The following LGMN variants were observed in gnomAD, a reference collection of about 807,000 sequenced individuals.
LGMN encodes asparaginyl endopeptidase.
Under a neutral mutation model 56.8 loss-of-function variants are expected in LGMN, and 36 were observed. The observed-to-expected ratio is 0.63, with a 90% CI of 0.49 to 0.84. The LOEUF (loss-of-function observed/expected upper bound fraction) is 0.84, where lower values mean the gene tolerates loss of function less well. Ranked by LOEUF, LGMN falls within the 40% of genes least tolerant of loss-of-function variation. The pLI, the probability that LGMN is intolerant of heterozygous loss-of-function variation, is 0.00. For missense variants in LGMN, 446 were observed against 556.1 expected, an observed-to-expected ratio of 0.80 and a Z score of 1.99; for synonymous variants, 199 against 210.1, an observed-to-expected ratio of 0.95 and a Z score of 0.46.
intron 1 of LGMN, among the ~76,000 whole-genome samples, chr14:92,740,518 A>G (rs1891499431): frequency 1.3e-5 from 2 of 152,306 alleles, no homozygotes; most frequent in South Asian, 4.1e-4. Flanking sequence ...TGTTTGTTCC[A>G]CTACATCACC....
chr14:92,718,860 T>C lies in LGMN; in HGVS notation c.139-16A>G, dbSNP rs541015977. 4.4e-6 allele frequency: 7 copies of C among 1,605,636 alleles called. No individual in the cohort carries two copies. In the Admixed American group the frequency reaches 1.2e-4, roughly 27 times the overall value. On this transcript the variant is annotated splice_polypyrimidine_tract_variant and intron_variant, in intron 2 of 13. Coordinates refer to ENST00000334869, the MANE Select transcript of LGMN (RefSeq NM_005606.7). ...ACGCGTCTGCCTGGGAGAAATGATT[T>C]GGTGAAGTTTTAGATCTTGCCTGGG...
Position 92,720,616 on chromosome 14 carries a change from G to A in LGMN, c.139-1772C>T, listed in dbSNP as rs1452433684. On this transcript the variant is annotated intron_variant, in intron 2 of 13. Transcript: ENST00000334869. Reference sequence around the variant, plus strand: ...CGGGAGGCGGCGGTTGCAGTGAGCCGAGATAGCACCATTGCACGCCAGCCT... The same window carrying A: ...CGGGAGGCGGCGGTTGCAGTGAGCCAAGATAGCACCATTGCACGCCAGCCT... Among the ~76,000 whole-genome samples, 5 of 152,222 alleles carry A rather than the reference G, an allele frequency of 3.3e-5. No individual in the cohort carries two copies. The East Asian group carries it at 7.7e-4, about 23-fold the overall frequency.
intron 1 of LGMN, among the ~76,000 whole-genome samples, chr14:92,747,099 G>T (rs539903573): frequency 5.8e-4 from 87 of 149,614 alleles, no homozygotes; most frequent in African/African-American, 2.1e-3. Context: ...CAGACTCCAC[G>T]ACTCCAGTGC....
chr14:92,716,159 T>C lies in LGMN; in HGVS notation c.381A>G (p.Ile127Met). Residue 127 changes from isoleucine to methionine, a missense_variant, in exon 5 of 14, where the codon ATA (isoleucine) becomes ATG (methionine). Ile to Met is a conservative substitution (Grantham distance 10). Coordinates refer to ENST00000334869, the MANE Select transcript of LGMN (RefSeq NM_005606.7). ...LRGDAEAVKG[I>M]GSGKVLKSGP... Reference sequence around the variant, plus strand: ...ACCTCTTCAGGACTTTGCCGGATCCTATGCCCTTCACTGCTTCTGCATCGC... The same window carrying C: ...ACCTCTTCAGGACTTTGCCGGATCCCATGCCCTTCACTGCTTCTGCATCGC... The C allele has an allele frequency of 1.9e-6, 3 of 1,612,934 alleles. No individual in the cohort carries two copies. The highest frequency in any genetic ancestry group is 2.5e-6 in the Non-Finnish European group (3 of 1,179,156).
intron 1 of LGMN, among the ~76,000 whole-genome samples, chr14:92,747,222 G>C (rs939816268): frequency 6.6e-6 from 1 of 152,088 alleles, no homozygotes; most frequent in Non-Finnish European, 1.5e-5. Flanking sequence ...GGCGAGACGT[G>C]GTGACTCATG....
chr14:92,745,841 G>A (rs1373985989), intron 1 of LGMN, among the ~76,000 whole-genome samples: 1 of 135,618 alleles, frequency 7.4e-6, no homozygotes, highest in South Asian at 2.5e-4. Flanking sequence ...TTTTTTTTTT[G>A]AGATGGCATG....
rs559565245 is a variant in LGMN at position 92,713,478 on chromosome 14, C to T, written c.543+345G>A. ...AGTGGTATTTTCCTCCCCAGCTGCCCGAAATTGAGGACAGTCCTAGGAATA... is the reference window on the plus strand; with the variant it reads ...AGTGGTATTTTCCTCCCCAGCTGCCTGAAATTGAGGACAGTCCTAGGAATA... On this transcript the variant is annotated intron_variant, in intron 7 of 13. Transcript: ENST00000334869. Among the ~76,000 whole-genome samples the T allele has an allele frequency of 1.6e-4, 25 of 152,216 alleles. No homozygotes were observed. The South Asian group carries it at 1.7e-3, about 10-fold the overall frequency.
At chr14:92,709,895 A>T (rs1889666141) in intron 10 of LGMN, 23 bp from the exon 11 acceptor site, 1 of 1,557,070 alleles carries the variant, frequency 6.4e-7, no homozygotes, top group African/African-American at 1.4e-5. Flanking sequence ...ACAGCAAGAG[A>T]GAGCGAGAGA....
rs907448181 is a variant in LGMN at position 92,706,370 on chromosome 14, G to A, written c.1191+113C>T. On this transcript the variant is annotated intron_variant, in intron 12 of 13. Coordinates refer to ENST00000334869, the MANE Select transcript of LGMN (RefSeq NM_005606.7). ...TCTTCCTCTCTGAAATGAGCCCACT[G>A]TTTCTCAGCCTGGATGGAACCTTCT... 1.1e-5 allele frequency: 10 copies of A among 887,866 alleles called. No homozygotes were observed. In the Admixed American group the frequency reaches 1.9e-4, roughly 17 times the overall value. The allele number at this position is 887,866 out of a possible 1,614,324, so 55.0% of individuals were successfully genotyped here.
At chr14:92,715,554 T>G (rs1483079070) in intron 5 of LGMN, among the ~76,000 whole-genome samples, 1 of 152,158 alleles carries the variant, frequency 6.6e-6, no homozygotes, top group Non-Finnish European at 1.5e-5. Context: ...TGCCCAGGCC[T>G]CCCTTCCAGC....
At chr14:92,711,587 A>G in intron 10 of LGMN, 72 bp downstream of exon 10, 1 of 1,319,634 alleles carries the variant, frequency 7.6e-7, no homozygotes, top group Non-Finnish European at 1.1e-6. Context: ...CTTTAGCAAG[A>G]GATCAATATT....
rs1284783611 is a variant in LGMN at position 92,714,910 on chromosome 14, T to C, written c.405-459A>G. On this transcript the variant is annotated intron_variant, in intron 5 of 13. Transcript: ENST00000334869. The surrounding 1 kb of genome is among the most constrained non-coding windows in gnomAD (Gnocchi z 5.1). ...CTGCCTCACCAGGGCTTCCACCAGA[T>C]GGCGCTGCTTCAAAGTGGCAGAGAT... Among the ~76,000 whole-genome samples the C allele has an allele frequency of 1.3e-5, 2 of 152,030 alleles. No individual in the cohort carries two copies. Among genetic ancestry groups the C allele is most frequent in the Non-Finnish European group, 1.5e-5 (1 of 68,012 alleles).
chr14:92,710,376 T>C (rs745614146), intron 10 of LGMN, among the ~76,000 whole-genome samples: 50 of 152,084 alleles, frequency 3.3e-4, no homozygotes, highest in Non-Finnish European at 6.6e-4. Flanking sequence ...AGTGGGAAGG[T>C]ACAAAGCATC....
Position 92,718,818 on chromosome 14 carries a change from G to T in LGMN, c.165C>A (p.Ile55=), listed in dbSNP as rs773242938. 1.2e-6 allele frequency: 2 copies of T among 1,613,224 alleles called. No individual in the cohort carries two copies. The highest frequency in any genetic ancestry group is 2.2e-5 in the South Asian group (2 of 91,016). ...HQADACHAYQ[I]IHRNGIPDEQ... is the part of the protein sequence containing the mutation. Reference sequence around the variant, plus strand: ...CGTCAGGAATCCCATTGCGGTGAATGATCTGGTAGGCATGGCACGCGTCTG... The same window carrying T: ...CGTCAGGAATCCCATTGCGGTGAATTATCTGGTAGGCATGGCACGCGTCTG... The change falls in exon 3 of 14, where the codon ATC becomes ATA. Residue 55 remains isoleucine (I), a synonymous_variant. Coordinates refer to ENST00000334869, the MANE Select transcript of LGMN (RefSeq NM_005606.7).
chr14:92,704,190 G>C lies in LGMN; in HGVS notation c.*129C>G. 1 of 1,132,138 alleles carries C rather than the reference G, an allele frequency of 8.8e-7. No individual in the cohort carries two copies. The highest frequency in any genetic ancestry group is 2.4e-5 in the East Asian group (1 of 42,476). 70.1% of individuals were successfully genotyped at this position (1,132,138 alleles called of 1,614,324 possible). A position where few individuals can be genotyped will look rare whatever the true frequency, so the allele number is the denominator to read the frequency against. ...CATCTTGTGAAGAAGGTCCTGGAGC[G>C]AGCCCTGGAGCGGGGGCTCCCCAGG... On this transcript the variant is annotated 3_prime_UTR_variant, in exon 14 of 14. Coordinates refer to ENST00000334869, the MANE Select transcript of LGMN (RefSeq NM_005606.7).
intron 5 of LGMN, among the ~76,000 whole-genome samples, chr14:92,715,117 G>C (rs926846115): frequency 2.0e-5 from 3 of 150,800 alleles, no homozygotes; most frequent in Non-Finnish European, 1.5e-5. Context: ...TCCTGCCTCA[G>C]CCTCCCGAGT....
intron 2 of LGMN, among the ~76,000 whole-genome samples, chr14:92,727,630 C>T (rs758787121): frequency 2.0e-5 from 3 of 152,074 alleles, no homozygotes; most frequent in East Asian, 1.9e-4. Context: ...CTTCCCTCCA[C>T]GCGGAAAGAG....
intron 1 of LGMN, among the ~76,000 whole-genome samples, chr14:92,747,348 G>A (rs1357327788): frequency 6.6e-6 from 1 of 151,964 alleles, no homozygotes; most frequent in Admixed American, 6.6e-5. Flanking sequence ...AAAATTAGCC[G>A]GGCATGGTGG....
At chr14:92,712,936 G>C in intron 7 of LGMN, 65 bp from the exon 8 acceptor site, 1 of 1,446,562 alleles carries the variant, frequency 6.9e-7, no homozygotes, top group South Asian at 1.2e-5. Flanking sequence ...CATGCTACTG[G>C]AGCTCTGCCC....
Sources: gnomAD v4.1 joint callset for allele counts (sites outside exome capture counted in the v4.1 genomes callset) on GRCh38, gnomAD v4.1.1 for gene constraint, Gnocchi (gnomAD v3.1) non-coding constraint, MANE v1.5 for transcripts, NCBI Gene and HGNC (gene_info 2026-07-23, HGNC 2026-07-21) for gene names.